Variants in CHAC2 observed in about 807,000 individuals in gnomAD.
CHAC2 encodes the protein ChaC glutathione specific gamma-glutamylcyclotransferase 2, also known as glutathione-specific gamma-glutamylcyclotransferase 2.
CHAC2 carries 20 observed loss-of-function variants against 16.9 expected under a neutral mutation model. The ratio of observed to expected loss-of-function variants is 1.18; its 90% CI spans 0.83 to 1.72. The LOEUF is 1.72. Ranked by LOEUF, CHAC2 falls within the 40% of genes most tolerant of loss-of-function variation. The pLI, the probability that CHAC2 is intolerant of heterozygous loss-of-function variation, is 0.00. For synonymous variants in CHAC2, 91 were observed against 77.3 expected, an observed-to-expected ratio of 1.18 and a Z score of -0.93; for missense variants, 269 against 222.2, an observed-to-expected ratio of 1.21 and a Z score of -1.34.
intron 2 of CHAC2, 49 bp from the exon 3 acceptor site, chr2:53,774,093 A>G (rs201851440): frequency 1.3e-6 from 2 of 1,515,124 alleles, no homozygotes; most frequent in East Asian, 4.5e-5. Flanking sequence ...TTCTTCACCT[A>G]TTTTAATTAG....
Position 53,774,431 on chromosome 2 carries a change from A to C in CHAC2, c.461A>C (p.Asn154Thr). 1 of 1,610,996 alleles carries C rather than the reference A, an allele frequency of 6.2e-7. No individual in the cohort carries two copies. The highest frequency in any genetic ancestry group is 8.5e-7 in the Non-Finnish European group (1 of 1,179,324). The stretch of plus-strand genomic sequence containing the variant: ...TTTGAACTTGCAAATTCTATTAGGA[A>C]CCTTGTGCCAGAAGAAGCAGATGAG... The part of the protein sequence containing the change: ...YLFELANSIR[N>T]LVPEEADEHL... Residue 154 changes from asparagine to threonine, a missense_variant, in exon 3 of 3, where the codon AAC becomes ACC. Coordinates refer to ENST00000295304, the MANE Select transcript of CHAC2 (RefSeq NM_001008708.4).
Position 53,774,555 on chromosome 2 carries a change from A to T in CHAC2, c.*30A>T. The T allele has an allele frequency of 1.4e-6, 2 of 1,443,048 alleles. No homozygotes were observed. Among genetic ancestry groups the T allele is most frequent in the Non-Finnish European group, 9.3e-7 (1 of 1,077,544 alleles). The allele number at this position is 1,443,048 out of a possible 1,614,324, so 89.4% of individuals were successfully genotyped here. On this transcript the variant is annotated 3_prime_UTR_variant, in exon 3 of 3. Coordinates refer to ENST00000295304, the MANE Select transcript of CHAC2 (RefSeq NM_001008708.4). Reference sequence around the variant, plus strand: ...GTCTTCAGAGAATTAACTTCAGTGCACAATGACAATATGATTTGGAAATAC... The same window carrying T: ...GTCTTCAGAGAATTAACTTCAGTGCTCAATGACAATATGATTTGGAAATAC...
chr2:53,768,726 G>A (rs1252131499), intron 1 of CHAC2, among the ~76,000 whole-genome samples: 1 of 152,176 alleles, frequency 6.6e-6, no homozygotes, highest in Non-Finnish European at 1.5e-5. Flanking sequence ...AATATGAAAT[G>A]TAAGTTCATT....
At chr2:53,768,911 A>G (rs1673690381) in intron 1 of CHAC2, among the ~76,000 whole-genome samples, 1 of 152,258 alleles carries the variant, frequency 6.6e-6, no homozygotes, top group Non-Finnish European at 1.5e-5. Context: ...TGGAAAGTGG[A>G]AAAGATCAAG....
At chr2:53,773,854 A>G (rs1354969952) in intron 2 of CHAC2, among the ~76,000 whole-genome samples, 1 of 151,820 alleles carries the variant, frequency 6.6e-6, no homozygotes, top group Non-Finnish European at 1.5e-5. Flanking sequence ...GGCCAACGTG[A>G]CAAAACCCCT....
In CHAC2 at chr2:53,774,170, T is replaced by G. The variant is rs145056139; in HGVS notation, c.200T>G (p.Leu67Trp). ...AGCVWGVAYR[L>W]PVGKEEEVKA... The stretch of plus-strand genomic sequence containing the variant: ...TGTGTATGGGGTGTTGCTTACAGAT[T>G]GCCAGTAGGAAAGGAAGAAGAAGTA... The change falls in exon 3 of 3, where the codon TTG becomes TGG. Residue 67 changes from leucine to tryptophan, a missense_variant. By Grantham distance (61) the Leu-to-Trp change is moderately conservative. Transcript: ENST00000295304. 2.5e-6 allele frequency: 4 copies of G among 1,611,350 alleles called. No homozygotes were observed. Among genetic ancestry groups the G allele is most frequent in the Non-Finnish European group, 3.4e-6 (4 of 1,178,876 alleles).
chr2:53,769,799 G>A (rs11891254), intron 1 of CHAC2, among the ~76,000 whole-genome samples: 2,458 of 152,166 alleles, frequency 0.016, 60 homozygotes, highest in African/African-American at 0.054. Flanking sequence ...CTGAGATTGC[G>A]CCACTGCACT....
intron 1 of CHAC2, 57 bp downstream of exon 1, chr2:53,768,078 C>CCA: frequency 6.3e-7 from 1 of 1,590,066 alleles, no homozygotes; most frequent in Non-Finnish European, 8.6e-7. Flanking sequence ...CTCCCCAACT[C>CCA]CACACACAGC....
At chr2:53,771,730 AAG>A (rs1301637874) in intron 1 of CHAC2, among the ~76,000 whole-genome samples, 175 bp from the exon 2 acceptor site, 1 of 152,190 alleles carries the variant, frequency 6.6e-6, no homozygotes, top group East Asian at 1.9e-4. Context: ...GTCTCTAGAT[AAG>A]GTAGGTTCTC....
intron 1 of CHAC2, 46 bp from the exon 2 acceptor site, chr2:53,771,861 G>A: frequency 8.8e-7 from 1 of 1,136,592 alleles, no homozygotes; most frequent in Non-Finnish European, 1.3e-6. Flanking sequence ...GCTACTTAAT[G>A]AACTTTATTA....
rs1412748324 is a variant in CHAC2, at chr2:53,774,860, CAATT to C, written c.*338_*341del. On this transcript the variant is annotated 3_prime_UTR_variant, in exon 3 of 3. Coordinates refer to ENST00000295304, the MANE Select transcript of CHAC2 (RefSeq NM_001008708.4). ...CCCAATACTATTTTGAAATTCTAAA[CAATT>C]AAACCAAAATTCCAATAAATATAAG... The C allele has an allele frequency of 2.2e-5, 4 of 181,098 alleles. No individual in the cohort carries two copies. Among genetic ancestry groups the C allele is most frequent in the South Asian group, 1.7e-4 (1 of 5,766 alleles). 11.2% of individuals were successfully genotyped at this position (181,098 alleles called of 1,614,324 possible).
At position 53,767,866 on chromosome 2, in the gene CHAC2, G is replaced by T. The variant is rs114675546; in HGVS notation, c.-21G>T. 0.021 allele frequency: 33,396 copies of T among 1,594,940 alleles called. 449 individuals carry two copies. Among genetic ancestry groups the T allele is most frequent in the South Asian group, 0.039 (3,492 of 88,570 alleles). On this transcript the variant is annotated 5_prime_UTR_variant, in exon 1 of 3. Coordinates refer to ENST00000295304, the MANE Select transcript of CHAC2 (RefSeq NM_001008708.4). ...CGACAGCTAGGGTTCACGGCCACTG[G>T]GGCAGAGGAGCCGCGAGAAGATGTG...
At chr2:53,771,864 C>T (rs1206179957) in intron 1 of CHAC2, 43 bp from the exon 2 acceptor site, 10 of 1,221,248 alleles carry the variant, frequency 8.2e-6, no homozygotes, top group Non-Finnish European at 1.2e-5. Context: ...ACTTAATGAA[C>T]TTTATTAATT....
rs755210528 is a variant in CHAC2, at chr2:53,774,569, A to G, written c.*44A>G. 4 of 1,359,408 alleles carry G rather than the reference A, an allele frequency of 2.9e-6. No individual in the cohort carries two copies. In the East Asian group the frequency reaches 9.5e-5, roughly 32 times the overall value. The allele number at this position is 1,359,408 out of a possible 1,614,324, so 84.2% of individuals were successfully genotyped here. A position where few individuals can be genotyped will look rare whatever the true frequency, so the allele number is the denominator to read the frequency against. On this transcript the variant is annotated 3_prime_UTR_variant, in exon 3 of 3. Coordinates refer to ENST00000295304, the MANE Select transcript of CHAC2 (RefSeq NM_001008708.4). ...AACTTCAGTGCACAATGACAATATGATTTGGAAATACGTTTACTTAAAGAT... is the reference window on the plus strand; with the variant it reads ...AACTTCAGTGCACAATGACAATATGGTTTGGAAATACGTTTACTTAAAGAT...
At position 53,774,611 on chromosome 2, in the gene CHAC2, T is replaced by C. The variant is rs1037167113; in HGVS notation, c.*86T>C. On this transcript the variant is annotated 3_prime_UTR_variant, in exon 3 of 3. Coordinates refer to ENST00000295304, the MANE Select transcript of CHAC2 (RefSeq NM_001008708.4). ...CTTAAAGATCTTATTTTTAATGTAGTGAGGATATTATTTAAACTTTTATTT... is the reference window on the plus strand; with the variant it reads ...CTTAAAGATCTTATTTTTAATGTAGCGAGGATATTATTTAAACTTTTATTT... 3.2e-5 allele frequency: 32 copies of C among 990,116 alleles called. No individual in the cohort carries two copies. The highest frequency in any genetic ancestry group is 5.9e-5 in the Admixed American group (2 of 34,166). The allele number at this position is 990,116 out of a possible 1,614,324, so 61.3% of individuals were successfully genotyped here.
intron 1 of CHAC2, chr2:53,768,260 A>AGTCTCTAGAGCTGT: frequency 2.1e-6 from 1 of 473,392 alleles, no homozygotes; most frequent in Non-Finnish European, 3.7e-6. Context: ...GACGGCGAGA[A>AGTCTCTAGAGCTGT]GCGCGGGCAC....
At chr2:53,770,280 T>C (rs1206849946) in intron 1 of CHAC2, among the ~76,000 whole-genome samples, 3 of 152,100 alleles carry the variant, frequency 2.0e-5, no homozygotes, top group African/African-American at 7.2e-5. Context: ...CAAAATCCCA[T>C]GTGTTCCATG....
At chr2:53,772,836 A>G (rs940733703) in intron 2 of CHAC2, among the ~76,000 whole-genome samples, 1 of 152,182 alleles carries the variant, frequency 6.6e-6, no homozygotes, top group Non-Finnish European at 1.5e-5. Flanking sequence ...AGTATCAATT[A>G]GTTATTTTTC....
At chr2:53,773,782 C>A (rs1427843444) in intron 2 of CHAC2, among the ~76,000 whole-genome samples, 10 of 151,850 alleles carry the variant, frequency 6.6e-5, no homozygotes. Context: ...CACCTGTAAT[C>A]CCAGCACACT....
Sources: gnomAD v4.1 joint callset for allele counts (sites outside exome capture counted in the v4.1 genomes callset) on GRCh38, gnomAD v4.1.1 for gene constraint, MANE v1.5 for transcripts, NCBI Gene and HGNC (gene_info 2026-07-23, HGNC 2026-07-21) for gene names.